The following HSF2BP variants were observed in gnomAD, a reference collection of about 807,000 sequenced individuals.
The protein encoded by HSF2BP is heat shock factor 2-binding protein.
Under a neutral mutation model 35.0 loss-of-function variants are expected in HSF2BP, and 35 were observed. That is an observed-to-expected ratio of 1.00 (90% CI 0.76 to 1.32). The LOEUF (loss-of-function observed/expected upper bound fraction) is 1.32, where lower values mean the gene tolerates loss of function less well. Ranked by LOEUF, HSF2BP falls within the 40% of genes most tolerant of loss-of-function variation. The probability of loss-of-function intolerance (pLI) is 0.00; values close to 1 mark genes in which losing one functional copy is unlikely to be tolerated. For missense variants in HSF2BP, 326 were observed against 321.7 expected (o/e 1.01, Z -0.10); for synonymous variants, 114 against 117.4 (o/e 0.97, Z 0.18).
At chr21:43,629,823 C>T (rs1292132638) in intron 6 of HSF2BP, among the ~76,000 whole-genome samples, 1 of 152,126 alleles carries the variant, frequency 6.6e-6, no homozygotes, top group African/African-American at 2.4e-5. Context: ...ACTTAGTTGA[C>T]AAAGCAGCAG....
At chr21:43,644,884 A>G (rs1164165796) in intron 3 of HSF2BP, among the ~76,000 whole-genome samples, 1 of 152,226 alleles carries the variant, frequency 6.6e-6, no homozygotes, top group East Asian at 1.9e-4. Flanking sequence ...GGGAAAGAAC[A>G]GTGATAAAAA....
chr21:43,600,289 C>T (rs1296673750), intron 7 of HSF2BP, among the ~76,000 whole-genome samples: 1 of 152,002 alleles, frequency 6.6e-6, no homozygotes, highest in East Asian at 1.9e-4. Context: ...ATAAACACGC[C>T]CAGTACTTCA....
intron 2 of HSF2BP, 165 bp downstream of exon 2, chr21:43,657,896 C>A (rs1040715667): frequency 4.0e-5 from 39 of 985,374 alleles, no homozygotes; most frequent in Middle Eastern, 5.2e-4. Flanking sequence ...CGCCCCAGGT[C>A]TCCACCCCGC....
rs77159861 is a variant in HSF2BP, at chr21:43,584,794, A to G, written c.796+7431T>C. Among the ~76,000 whole-genome samples, 559 of 152,298 alleles carry G rather than the reference A, an allele frequency of 3.7e-3. 29 individuals carry two copies. In the East Asian group the frequency reaches 0.1, roughly 27 times the overall value. ...TCAGTTTACCCCGACACTGCTGGGA[A>G]AGACCCTTGGGAGTTTCCTCTCAGG... On this transcript the variant is annotated intron_variant, in intron 8 of 8. Transcript: ENST00000291560.
chr21:43,636,989 C>G (rs868036647), intron 4 of HSF2BP, among the ~76,000 whole-genome samples: 2 of 150,646 alleles, frequency 1.3e-5, no homozygotes, highest in Non-Finnish European at 3.0e-5. Flanking sequence ...TTATTCATAA[C>G]AGTCAAAAAC....
chr21:43,603,610 T>C (rs1044276264), intron 7 of HSF2BP, among the ~76,000 whole-genome samples: 1 of 152,126 alleles, frequency 6.6e-6, no homozygotes, highest in Non-Finnish European at 1.5e-5. Flanking sequence ...CCATGAGGTA[T>C]GGCTAAGACT....
chr21:43,617,230 G>GA (rs964154999), intron 6 of HSF2BP, among the ~76,000 whole-genome samples: 6 of 150,884 alleles, frequency 4.0e-5, no homozygotes, highest in East Asian at 1.9e-4. Context: ...CATCGCTGAA[G>GA]AAAAAAAATA....
intron 3 of HSF2BP, among the ~76,000 whole-genome samples, chr21:43,645,718 T>A (rs529069479): frequency 2.0e-5 from 3 of 152,092 alleles, no homozygotes; most frequent in Non-Finnish European, 4.4e-5. Context: ...TACTCCACCC[T>A]AGAGGAGAAA....
At chr21:43,632,451 A>G (rs1485096740) in intron 5 of HSF2BP, among the ~76,000 whole-genome samples, 2 of 142,698 alleles carry the variant, frequency 1.4e-5, no homozygotes, top group Non-Finnish European at 3.0e-5. Context: ...ACACATGCAC[A>G]TGCTCAAACA....
intron 8 of HSF2BP, among the ~76,000 whole-genome samples, chr21:43,584,952 C>A (rs1223475871): frequency 6.6e-6 from 1 of 151,988 alleles, no homozygotes; most frequent in South Asian, 2.1e-4. Flanking sequence ...CTCTGTCCTC[C>A]CACTTTCACT....
chr21:43,592,483 G>A lies in HSF2BP; in HGVS notation c.693-155C>T, dbSNP rs73908341. Among the ~76,000 whole-genome samples the A allele has an allele frequency of 3.7e-3, 556 of 152,166 alleles. 6 individuals are homozygous for A. The highest frequency in any genetic ancestry group is 0.013 in the African/African-American group (530 of 41,520). Reference sequence around the variant, plus strand: ...ATGTGAATTAATAACATCTGTCTACGTGAGGCTACAGGAAAATGGGAAACT... The same window carrying A: ...ATGTGAATTAATAACATCTGTCTACATGAGGCTACAGGAAAATGGGAAACT... On this transcript the variant is annotated intron_variant, in intron 7 of 8. Transcript: ENST00000291560.
Position 43,613,166 on chromosome 21 carries a change from G to C in HSF2BP, c.692+664C>G, listed in dbSNP as rs1007931161. Among the ~76,000 whole-genome samples the C allele has an allele frequency of 2.5e-4, 38 of 152,196 alleles. 1 individual carries two copies. The highest frequency in any genetic ancestry group is 2.1e-4 in the South Asian group (1 of 4,834). On this transcript the variant is annotated intron_variant, in intron 7 of 8. Coordinates refer to ENST00000291560, the MANE Select transcript of HSF2BP (RefSeq NM_007031.2). ...GCTGGTAGCAGAAGAGGAAGTCTCA[G>C]AGACTGGAAACGTGGGAAGGATTCA...
chr21:43,598,944 C>T (rs773013698), intron 7 of HSF2BP, among the ~76,000 whole-genome samples: 55 of 152,164 alleles, frequency 3.6e-4, no homozygotes, highest in Admixed American at 9.2e-4. Flanking sequence ...CAACAGAGAT[C>T]GTACGACCCC....
intron 3 of HSF2BP, among the ~76,000 whole-genome samples, chr21:43,654,016 G>C (rs940981129): frequency 2.0e-5 from 3 of 151,988 alleles, no homozygotes; most frequent in Non-Finnish European, 4.4e-5. Flanking sequence ...TATGACAACA[G>C]GAAGTAAAAA....
At chr21:43,642,141 T>A (rs886148440) in intron 4 of HSF2BP, among the ~76,000 whole-genome samples, 2 of 151,950 alleles carry the variant, frequency 1.3e-5, no homozygotes, top group Non-Finnish European at 1.5e-5. Flanking sequence ...TATAAAAAAA[T>A]TTTAAAAATT....
At chr21:43,654,388 G>C (rs1315456079) in intron 3 of HSF2BP, among the ~76,000 whole-genome samples, 1 of 152,216 alleles carries the variant, frequency 6.6e-6, no homozygotes, top group African/African-American at 2.4e-5. Flanking sequence ...GAACGTTGTA[G>C]TTTTCAAGGA....
At chr21:43,625,489 A>T (rs1054621475) in intron 6 of HSF2BP, among the ~76,000 whole-genome samples, 1 of 152,222 alleles carries the variant, frequency 6.6e-6, no homozygotes, top group South Asian at 2.1e-4. Flanking sequence ...TTAGTTCCAC[A>T]ACCTAATTGT....
intron 6 of HSF2BP, among the ~76,000 whole-genome samples, chr21:43,623,281 C>T (rs1018488560): frequency 6.6e-6 from 1 of 152,006 alleles, no homozygotes; most frequent in African/African-American, 2.4e-5. Context: ...GGAAAAACAA[C>T]ATACCAAAAT....
intron 6 of HSF2BP, among the ~76,000 whole-genome samples, chr21:43,628,737 T>C (rs1264719518): frequency 6.6e-6 from 1 of 152,232 alleles, no homozygotes; most frequent in Non-Finnish European, 1.5e-5. Context: ...GAAAAGTCAA[T>C]GCCTGGCTTC....
Sources: gnomAD v4.1 joint callset for allele counts (sites outside exome capture counted in the v4.1 genomes callset) on GRCh38, gnomAD v4.1.1 for gene constraint, MANE v1.5 for transcripts, NCBI Gene and HGNC (gene_info 2026-07-23, HGNC 2026-07-21) for gene names.